The following BMP1 variants were observed in gnomAD, a reference collection of about 807,000 sequenced individuals.
BMP1 encodes the protein mammalian tolloid protein.
Under a neutral mutation model 116.8 loss-of-function variants are expected in BMP1, and 63 were observed. The observed-to-expected ratio is 0.54, with a 90% CI of 0.44 to 0.67. The LOEUF (loss-of-function observed/expected upper bound fraction) is 0.67. Ranked by LOEUF, BMP1 falls within the 30% of genes least tolerant of loss-of-function variation. BMP1 has a pLI of 0.00. For missense variants in BMP1, 1,183 were observed against 1,358.9 expected (o/e 0.87, Z 2.04); for synonymous variants, 536 against 533.4 (o/e 1.00, Z -0.07).
rs761796740 is a variant in BMP1 at position 22,194,715 on chromosome 8, G to C, written c.1444-9G>C. 2.5e-6 allele frequency: 4 copies of C among 1,597,216 alleles called. No homozygotes were observed. The highest frequency in any genetic ancestry group is 2.2e-5 in the East Asian group (1 of 44,674). On this transcript the variant is annotated splice_polypyrimidine_tract_variant and intron_variant, in intron 11 of 19. Transcript: ENST00000306385. The surrounding 1 kb of genome is among the most constrained non-coding windows in gnomAD (Gnocchi z 4.5). ...GAGCCCCTTCCACTGATGAAGCCTCGACCCCTAGATTGAGCGCCACGACAG... is the reference window on the plus strand; with the variant it reads ...GAGCCCCTTCCACTGATGAAGCCTCCACCCCTAGATTGAGCGCCACGACAG...
intron 16 of BMP1, 142 bp from the exon 17 acceptor site, chr8:22,206,712 C>A: frequency 1.6e-6 from 2 of 1,262,116 alleles, no homozygotes; most frequent in Non-Finnish European, 2.2e-6. Context: ...GAAAAAGAAA[C>A]GATGCCTGCC....
intron 16 of BMP1, 119 bp downstream of exon 16, chr8:22,202,047 C>A (rs1174172129): frequency 2.2e-6 from 3 of 1,349,866 alleles, no homozygotes; most frequent in African/African-American, 1.5e-5. Flanking sequence ...ATCTCTAAGG[C>A]CCCCTCATTC....
chr8:22,175,095 G>A (rs1828394169), intron 2 of BMP1, among the ~76,000 whole-genome samples: 1 of 152,188 alleles, frequency 6.6e-6, no homozygotes, highest in Non-Finnish European at 1.5e-5. Context: ...TAACAAGTAA[G>A]GCTCATGTGA....
chr8:22,201,194 C>A lies in BMP1; in HGVS notation c.2108-609C>A, dbSNP rs1408208904. On this transcript the variant is annotated intron_variant, in intron 15 of 19. Coordinates refer to ENST00000306385, the MANE Select transcript of BMP1 (RefSeq NM_006129.5). ...TCCGAGTGCAGAAAAGAAACCGGAC[C>A]CCCCAGTGAGGCCTGCCAGGCCTCC... 1.9e-6 allele frequency: 3 copies of A among 1,613,158 alleles called. No individual in the cohort carries two copies. Among genetic ancestry groups the A allele is most frequent in the East Asian group, 4.5e-5 (2 of 44,770 alleles).
At chr8:22,209,826 C>A in intron 19 of BMP1, 131 bp downstream of exon 19, 1 of 1,019,234 alleles carries the variant, frequency 9.8e-7, no homozygotes, top group Non-Finnish European at 1.4e-6. Flanking sequence ...ACGCGTGTGG[C>A]CCTGTGTGGG....
intron 14 of BMP1, 67 bp from the exon 15 acceptor site, chr8:22,197,173 C>T: frequency 6.4e-7 from 1 of 1,559,424 alleles, no homozygotes; most frequent in Non-Finnish European, 8.7e-7. Flanking sequence ...AGAGAGCTTC[C>T]CGAGGGCAGG....
chr8:22,165,664 T>G, intron 1 of BMP1, 111 bp downstream of exon 1: 1 of 1,171,978 alleles, frequency 8.5e-7, no homozygotes, highest in Non-Finnish European at 1.1e-6. Flanking sequence ...GCTGCCTGGT[T>G]GGCAATGCAG....
At chr8:22,196,136 G>T (rs773769928) in intron 13 of BMP1, 5 of 496,942 alleles carry the variant, frequency 1.0e-5, no homozygotes, top group Admixed American at 2.1e-5. Flanking sequence ...GGTTTTTTTT[G>T]TAAATGACCA....
intron 2 of BMP1, 124 bp downstream of exon 2, chr8:22,173,839 C>T (rs1245777588): frequency 6.4e-6 from 4 of 627,340 alleles, no homozygotes; most frequent in Non-Finnish European, 1.1e-5. Context: ...GACCCCAGCA[C>T]ATGGGTCTAT....
At chr8:22,204,785 A>G (rs1338825836) in intron 16 of BMP1, among the ~76,000 whole-genome samples, 1 of 143,142 alleles carries the variant, frequency 7.0e-6, no homozygotes, top group Admixed American at 7.4e-5. Context: ...TTTCAGAGGC[A>G]GAAGTCAGAT....
chr8:22,165,390 C>G lies in BMP1; in HGVS notation c.-16C>G. The G allele has an allele frequency of 6.9e-7, 1 of 1,443,604 alleles. No individual in the cohort carries two copies. Among genetic ancestry groups the G allele is most frequent in the Non-Finnish European group, 9.1e-7 (1 of 1,103,918 alleles). The allele number at this position is 1,443,604 out of a possible 1,614,324, so 89.4% of individuals were successfully genotyped here. On this transcript the variant is annotated 5_prime_UTR_variant, in exon 1 of 20. Coordinates refer to ENST00000306385, the MANE Select transcript of BMP1 (RefSeq NM_006129.5). ...GGCCTCCAGTGCGCCGCTTCCCTCG[C>G]CGCCGCCCCGCCAGCATGCCCGGCG...
Position 22,165,380 on chromosome 8 carries a change from G to C in BMP1, c.-26G>C. 2.1e-6 allele frequency: 3 copies of C among 1,426,022 alleles called. No homozygotes were observed. Among genetic ancestry groups the C allele is most frequent in the Non-Finnish European group, 2.7e-6 (3 of 1,095,942 alleles). 88.3% of individuals were successfully genotyped at this position (1,426,022 alleles called of 1,614,324 possible). ...GCCCTCCCCTGGCCTCCAGTGCGCC[G>C]CTTCCCTCGCCGCCGCCCCGCCAGC... On this transcript the variant is annotated 5_prime_UTR_variant, in exon 1 of 20. Transcript: ENST00000306385.
In BMP1 at chr8:22,198,980, A is replaced by G. The variant is rs746308384; in HGVS notation, c.2107+1560A>G. 4 of 1,289,574 alleles carry G rather than the reference A, an allele frequency of 3.1e-6. No individual in the cohort carries two copies. In the East Asian group the frequency reaches 1.4e-4, roughly 46 times the overall value. 79.9% of individuals were successfully genotyped at this position (1,289,574 alleles called of 1,614,324 possible). On this transcript the variant is annotated intron_variant, in intron 15 of 19. Coordinates refer to ENST00000306385, the MANE Select transcript of BMP1 (RefSeq NM_006129.5). The stretch of plus-strand genomic sequence containing the variant: ...GCAGGCTCTGCCCCGGGAAACCATT[A>G]CCTGCTTACTCTCGTCTCTTCCTGC...
chr8:22,197,980 T>C (rs1297561034), intron 15 of BMP1, among the ~76,000 whole-genome samples: 1 of 151,480 alleles, frequency 6.6e-6, no homozygotes, highest in African/African-American at 2.4e-5. Flanking sequence ...AGCCCAGGAG[T>C]TCAAGACCAG....
chr8:22,201,815 G>T lies in BMP1; in HGVS notation c.2120G>T (p.Cys707Phe), dbSNP rs772384374. 1 of 1,613,774 alleles carries T rather than the reference G, an allele frequency of 6.2e-7. No individual in the cohort carries two copies. Among genetic ancestry groups the T allele is most frequent in the South Asian group, 1.1e-5 (1 of 91,070 alleles). ...TGCTCCCCTGCAGACAAGGACGAGT[G>T]CTCCAAGGATAACGGCGGCTGCCAG... ...KAHFFSDKDE[C>F]SKDNGGCQQD... The change falls in exon 16 of 20, where the codon TGC becomes TTC. Residue 707 changes from cysteine to phenylalanine, a missense_variant. Cys to Phe is a radical substitution (Grantham distance 205). Coordinates refer to ENST00000306385, the MANE Select transcript of BMP1 (RefSeq NM_006129.5).
chr8:22,194,249 A>C lies in BMP1; in HGVS notation c.1297+75A>C. 2 of 1,496,028 alleles carry C rather than the reference A, an allele frequency of 1.3e-6. No homozygotes were observed. The highest frequency in any genetic ancestry group is 1.9e-6 in the Non-Finnish European group (2 of 1,074,548). 92.7% of individuals were successfully genotyped at this position (1,496,028 alleles called of 1,614,324 possible). A position where few individuals can be genotyped will look rare whatever the true frequency, so the allele number is the denominator to read the frequency against. ...CATGGTAAAACAACTCCCTCCTGGC[A>C]CCTGAGGGGCAAGATTGTGGGTTCC... On this transcript the variant is annotated intron_variant, in intron 10 of 19. Transcript: ENST00000306385. The surrounding 1 kb of genome is among the most constrained non-coding windows in gnomAD (Gnocchi z 4.5).
At chr8:22,209,406 C>A in intron 18 of BMP1, 39 bp from the exon 19 acceptor site, 1 of 1,604,592 alleles carries the variant, frequency 6.2e-7, no homozygotes, top group Non-Finnish European at 8.5e-7. Context: ...CTGGCACCTG[C>A]GGTGCTCAGG....
In BMP1 at chr8:22,165,521, A is replaced by C; in HGVS notation, c.116A>C (p.Glu39Ala). ...TYDLAEEDDS[E>A]PLNYKDPCKA... ...GACCTGGCGGAGGAGGACGACTCGG[A>C]GCCCCTCAACTACAAAGACCCCTGC... The change falls in exon 1 of 20, where the codon GAG becomes GCG. Residue 39 changes from glutamate (E) to alanine (A), a missense_variant. Around this residue, in one of 4 missense-constraint regions of BMP1, gnomAD observed 185 missense variants for 158.9 expected, o/e 1.16. Transcript: ENST00000306385. 1.9e-6 allele frequency: 3 copies of C among 1,591,774 alleles called. No homozygotes were observed. Among genetic ancestry groups the C allele is most frequent in the Non-Finnish European group, 2.6e-6 (3 of 1,171,332 alleles).
intron 8 of BMP1, among the ~76,000 whole-genome samples, chr8:22,182,904 A>G (rs963304246): frequency 6.6e-6 from 1 of 152,230 alleles, no homozygotes; most frequent in African/African-American, 2.4e-5. Flanking sequence ...ACAAAAACCA[A>G]TGTAGAGAGG....
Sources: gnomAD v4.1 joint callset for allele counts (sites outside exome capture counted in the v4.1 genomes callset) on GRCh38, gnomAD v4.1.1 for gene constraint, gnomAD v4.1.1 regional missense constraint, Gnocchi (gnomAD v3.1) non-coding constraint, MANE v1.5 for transcripts, NCBI Gene and HGNC (gene_info 2026-07-23, HGNC 2026-07-21) for gene names.